IGF1: variants seen among roughly 807,000 people sequenced by gnomAD.
IGF1 encodes the protein insulin like growth factor 1, also known as insulin-like growth factor 1.
A neutral mutation model predicts 13.8 loss-of-function variants in IGF1; 4 were observed. The observed-to-expected ratio is 0.29, with a 90% CI of 0.14 to 0.66. The LOEUF (loss-of-function observed/expected upper bound fraction) is 0.66, where lower values mean the gene tolerates loss of function less well. Among genes scored for constraint, IGF1 ranks in the 30% least tolerant of loss-of-function variants. IGF1 has a pLI of 0.78. For missense variants in IGF1, 124 were observed against 188.5 expected (o/e 0.66, Z 2.00); for synonymous variants, 76 against 72.6 (o/e 1.05, Z -0.23).
At chr12:102,480,822 A>G (rs1881351447), upstream of IGF1, among the ~76,000 whole-genome samples, 1 of 152,206 alleles carries the variant, frequency 6.6e-6, no homozygotes, top group Non-Finnish European at 1.5e-5. Flanking sequence ...GCCATAGAAA[A>G]TAAGGATCTG....
intron 3 of IGF1, among the ~76,000 whole-genome samples, chr12:102,413,886 C>A (rs770816499): frequency 1.3e-5 from 2 of 152,110 alleles, no homozygotes; most frequent in South Asian, 4.2e-4. Flanking sequence ...ATTCATAGAA[C>A]CAGGGGTTCT....
chr12:102,396,635 C>G lies in IGF1; in HGVS notation c.*5872G>C, dbSNP rs929419404. 5.4e-6 allele frequency: 2 copies of G among 369,230 alleles called. No homozygotes were observed. The highest frequency in any genetic ancestry group is 9.6e-6 in the Non-Finnish European group (2 of 208,544). The allele number at this position is 369,230 out of a possible 1,614,324, so 22.9% of individuals were successfully genotyped here. A position where few individuals can be genotyped will look rare whatever the true frequency, so the allele number is the denominator to read the frequency against. ...AAAATGAGTAATGTTTACTTTTAGG[C>G]CTCAGTAATATAAAAAAAGGCAGAT... On this transcript the variant is annotated 3_prime_UTR_variant, in exon 4 of 4. Transcript: ENST00000337514.
intron 2 of IGF1, among the ~76,000 whole-genome samples, chr12:102,441,911 T>TGCTGCC (rs1428230692): frequency 3.4e-5 from 4 of 116,114 alleles, no homozygotes; most frequent in African/African-American, 3.3e-5. Context: ...ACACTGCTTC[T>TGCTGCC]TCTCCTTCTT....
rs1565958524 is a variant in IGF1, at chr12:102,402,678, TAGAG to T, written c.403-116_403-113del. 3 of 751,162 alleles carry T rather than the reference TAGAG, an allele frequency of 4.0e-6. No individual in the cohort carries two copies. The African/African-American group carries it at 5.1e-5, about 13-fold the overall frequency. The allele number at this position is 751,162 out of a possible 1,614,324, so 46.5% of individuals were successfully genotyped here. On this transcript the variant is annotated intron_variant, in intron 3 of 3. Transcript: ENST00000337514. ...TCTTACGCCTTACCAGTTGAGCTAA[TAGAG>T]AGCTTGAACCTTGGTTTTCCTGAGA... is the stretch of plus-strand genomic sequence containing the variant.
intron 3 of IGF1, among the ~76,000 whole-genome samples, chr12:102,410,398 G>T (rs867676749): frequency 1.3e-5 from 2 of 152,078 alleles, no homozygotes; most frequent in African/African-American, 2.4e-5. Flanking sequence ...ATTATCTTTC[G>T]CAGAGGGAGT....
intron 2 of IGF1, among the ~76,000 whole-genome samples, chr12:102,445,494 T>C (rs1030481000): frequency 6.6e-6 from 1 of 152,136 alleles, no homozygotes; most frequent in Non-Finnish European, 1.5e-5. Context: ...ATTCTCTTTG[T>C]AGCAATTGTG....
At chr12:102,468,974 G>A (rs180935158) in intron 2 of IGF1, among the ~76,000 whole-genome samples, 3 of 152,208 alleles carry the variant, frequency 2.0e-5, no homozygotes, top group African/African-American at 4.8e-5. Context: ...ATGATGGCAC[G>A]ACACAAGATG....
At chr12:102,417,535 A>G in intron 3 of IGF1, 1 of 1,127,026 alleles carries the variant, frequency 8.9e-7, no homozygotes, top group Non-Finnish European at 1.1e-6. Flanking sequence ...AGAGGCAGAG[A>G]ATAGTGTGTC....
chr12:102,453,309 T>G (rs975333887), intron 2 of IGF1, among the ~76,000 whole-genome samples: 9 of 152,210 alleles, frequency 5.9e-5, no homozygotes, highest in African/African-American at 2.2e-4. Context: ...GCTTGGCATT[T>G]GTTTGTTTGT....
chr12:102,412,543 AT>A (rs1874741013), intron 3 of IGF1, among the ~76,000 whole-genome samples: 1 of 152,180 alleles, frequency 6.6e-6, no homozygotes, highest in Non-Finnish European at 1.5e-5. Context: ...TAGCATTCTT[AT>A]TTCTAACCAT....
At chr12:102,402,587 G>T in intron 3 of IGF1, 21 bp from the exon 4 acceptor site, 1 of 780,498 alleles carries the variant, frequency 1.3e-6, no homozygotes, top group Non-Finnish European at 2.4e-6. Flanking sequence ...AGGAGAAAAA[G>T]TGACATTAAC....
chr12:102,467,973 C>T (rs1377957146), intron 2 of IGF1, among the ~76,000 whole-genome samples: 2 of 152,196 alleles, frequency 1.3e-5, no homozygotes, highest in African/African-American at 2.4e-5. Context: ...AGTTTTGATA[C>T]ATGACTAGAT....
intron 2 of IGF1, among the ~76,000 whole-genome samples, chr12:102,448,806 A>C (rs2137135580): frequency 6.6e-6 from 1 of 152,222 alleles, no homozygotes; most frequent in East Asian, 1.9e-4. Flanking sequence ...AAAGCTCATC[A>C]TCACTGGTCA....
At chr12:102,406,436 A>C (rs1006870926) in intron 3 of IGF1, among the ~76,000 whole-genome samples, 9 of 152,184 alleles carry the variant, frequency 5.9e-5, no homozygotes, top group Non-Finnish European at 1.3e-4. Context: ...AATACAAACA[A>C]ACCAGCTGAA....
At chr12:102,408,537 T>G (rs952841487) in intron 3 of IGF1, among the ~76,000 whole-genome samples, 2 of 152,124 alleles carry the variant, frequency 1.3e-5, no homozygotes, top group African/African-American at 4.8e-5. Context: ...CTGGACACAG[T>G]TTTGGTTAGC....
At chr12:102,456,134 C>T (rs1392004274) in intron 2 of IGF1, among the ~76,000 whole-genome samples, 1 of 152,008 alleles carries the variant, frequency 6.6e-6, no homozygotes, top group Non-Finnish European at 1.5e-5. Context: ...TAGTGGCCAT[C>T]TTAGGAGCAT....
In IGF1 at chr12:102,434,526, C is replaced by T. The variant is rs1877046354; in HGVS notation, c.221-14836G>A. ...AGTATTCCATGGTGTATATGTGCCA[C>T]ATTTTCTTAATCCAGTCTATCATTG... is the stretch of plus-strand genomic sequence containing the variant. On this transcript the variant is annotated intron_variant, in intron 2 of 3. Transcript: ENST00000337514. Among the ~76,000 whole-genome samples, 4 of 145,766 alleles carry T rather than the reference C, an allele frequency of 2.7e-5. No homozygotes were observed. The Admixed American group carries it at 2.8e-4, about 10-fold the overall frequency.
intron 3 of IGF1, among the ~76,000 whole-genome samples, chr12:102,407,448 CAGGGATA>C (rs1270426919): frequency 6.6e-6 from 1 of 152,178 alleles, no homozygotes; most frequent in African/African-American, 2.4e-5. Context: ...ATACTTCTCT[CAGGGATA>C]AGTACTACTG....
intron 2 of IGF1, among the ~76,000 whole-genome samples, chr12:102,469,810 T>G (rs1179891451): frequency 6.6e-6 from 1 of 152,076 alleles, no homozygotes; most frequent in Non-Finnish European, 1.5e-5. Context: ...ATTTGTCCCA[T>G]GAAGCAATAA....
Sources: allele counts gnomAD v4.1 joint callset (sites outside exome capture counted in the v4.1 genomes callset), GRCh38; gene constraint gnomAD v4.1.1; transcripts MANE v1.5; gene names NCBI Gene and HGNC (gene_info 2026-07-23, HGNC 2026-07-21).